UBA6: variants seen among roughly 807,000 people sequenced by gnomAD.
UBA6 encodes ubiquitin like modifier activating enzyme 6.
Under a neutral mutation model 148.3 loss-of-function variants are expected in UBA6, and 87 were observed. That is an observed-to-expected ratio of 0.59 (90% CI 0.49 to 0.70). UBA6 has a LOEUF of 0.70. Among genes scored for constraint, UBA6 ranks in the 30% least tolerant of loss-of-function variants. The pLI, the probability that UBA6 is intolerant of heterozygous loss-of-function variation, is 0.00. For synonymous variants in UBA6, 376 were observed against 401.0 expected (o/e 0.94, Z 0.75); for missense variants, 1,186 against 1,241.2 (o/e 0.96, Z 0.67).
rs1194701657 is a variant in UBA6, at chr4:67,641,710, C to T, written c.1477-482G>A. On this transcript the variant is annotated intron_variant, in intron 17 of 32. Transcript: ENST00000322244. ...TTAGGCATGCTGCCTATTTTTGTAA[C>T]TAAAGTTTTATTGAAACACTGTCAT... 2.0e-5 allele frequency among the ~76,000 whole-genome samples: 3 copies of T among 152,060 alleles called. No individual in the cohort carries two copies. In the East Asian group the frequency reaches 5.8e-4, roughly 29 times the overall value.
intron 8 of UBA6, among the ~76,000 whole-genome samples, chr4:67,670,237 C>G (rs1730112012): frequency 6.6e-6 from 1 of 152,176 alleles, no homozygotes; most frequent in Non-Finnish European, 1.5e-5. Flanking sequence ...AGCCACCATG[C>G]CTGGCCCTAT....
chr4:67,700,128 T>C (rs1383342388), intron 1 of UBA6, among the ~76,000 whole-genome samples: 7 of 152,144 alleles, frequency 4.6e-5, no homozygotes, highest in African/African-American at 1.2e-4. Flanking sequence ...ATATGATCTA[T>C]AAGACAATCA....
chr4:67,662,010 T>C, intron 13 of UBA6, 179 bp downstream of exon 13: 2 of 546,222 alleles, frequency 3.7e-6, no homozygotes, highest in Non-Finnish European at 6.4e-6. Flanking sequence ...ACAATAACCC[T>C]ATGAAGGTAG....
intron 28 of UBA6, among the ~76,000 whole-genome samples, chr4:67,625,798 G>C (rs966706112): frequency 6.6e-5 from 10 of 151,894 alleles, no homozygotes; most frequent in South Asian, 2.1e-4. Flanking sequence ...AAACAGATGA[G>C]TGTATGGCTG....
intron 2 of UBA6, among the ~76,000 whole-genome samples, chr4:67,687,034 GTTT>G (rs71219066): frequency 1.2e-5 from 1 of 82,516 alleles, no homozygotes; most frequent in Non-Finnish European, 2.3e-5. Flanking sequence ...TTAAGACTAT[GTTT>G]TTTTTTTTTT....
chr4:67,675,665 A>G (rs1416668401), intron 6 of UBA6, among the ~76,000 whole-genome samples: 2 of 152,102 alleles, frequency 1.3e-5, no homozygotes, highest in African/African-American at 4.8e-5. Context: ...CAGGAGGCAG[A>G]GGTTGCAGTG....
chr4:67,641,192 T>C lies in UBA6; in HGVS notation c.1513A>G (p.Asn505Asp). ...CGAAATAGGAACTGTCTATTTAAGTTGGATTTCTCTATCAAGTCAGGATCT... is the reference window on the plus strand; with the variant it reads ...CGAAATAGGAACTGTCTATTTAAGTCGGATTTCTCTATCAAGTCAGGATCT... ...VTDPDLIEKSNLNRQFLFRPH... is the reference protein window; with the variant it reads ...VTDPDLIEKSDLNRQFLFRPH... The change falls in exon 18 of 33, where the codon AAC (asparagine) becomes GAC (aspartate). Residue 505 changes from asparagine (N) to aspartate (D), a missense_variant. By Grantham distance (23) the Asn-to-Asp change is conservative (BLOSUM62 1). Coordinates refer to ENST00000322244, the MANE Select transcript of UBA6 (RefSeq NM_018227.6). 1.3e-6 allele frequency: 2 copies of C among 1,599,366 alleles called. No individual in the cohort carries two copies. The highest frequency in any genetic ancestry group is 1.7e-6 in the Non-Finnish European group (2 of 1,173,380).
intron 13 of UBA6, among the ~76,000 whole-genome samples, chr4:67,659,789 A>G (rs1314315647): frequency 6.6e-6 from 1 of 152,152 alleles, no homozygotes; most frequent in Non-Finnish European, 1.5e-5. Flanking sequence ...AGGGCTCGTA[A>G]GAAAGGAAGA....
intron 2 of UBA6, among the ~76,000 whole-genome samples, chr4:67,691,132 T>C (rs568858208): frequency 1.5e-4 from 23 of 152,134 alleles, no homozygotes; most frequent in Admixed American, 2.6e-4. Flanking sequence ...TGGACATTTG[T>C]GACAACTTGA....
chr4:67,672,548 TA>T (rs1730175337), intron 7 of UBA6, among the ~76,000 whole-genome samples: 1 of 152,060 alleles, frequency 6.6e-6, no homozygotes, highest in Admixed American at 6.6e-5. Context: ...TAAAACAGAT[TA>T]AAACTCACAG....
At position 67,626,414 on chromosome 4, in the gene UBA6, T is replaced by C; in HGVS notation, c.2464A>G (p.Arg822Gly). 6.2e-7 allele frequency: 1 copy of C among 1,611,670 alleles called. No homozygotes were observed. Among genetic ancestry groups the C allele is most frequent in the African/African-American group, 1.3e-5 (1 of 74,954 alleles). ...DHVPISSEDE[R>G]NAIFQLEKAI... The stretch of plus-strand genomic sequence containing the variant: ...TTTTCTAGTTGGAAAATTGCATTCC[T>C]CTCATCTTCACTGCTAATAGGAACA... The change falls in exon 28 of 33, where the codon AGG (arginine) becomes GGG (glycine). Residue 822 changes from arginine (R) to glycine (G), a missense_variant. Physicochemically the swap from Arg to Gly is moderately radical, Grantham distance 125. Coordinates refer to ENST00000322244, the MANE Select transcript of UBA6 (RefSeq NM_018227.6).
chr4:67,624,920 G>A, intron 29 of UBA6, 74 bp downstream of exon 29: 5 of 1,231,008 alleles, frequency 4.1e-6, no homozygotes, highest in Non-Finnish European at 5.7e-6. Context: ...TGAGTGACTG[G>A]GTTGGTATGA....
intron 19 of UBA6, among the ~76,000 whole-genome samples, 175 bp from the exon 20 acceptor site, chr4:67,635,733 T>C (rs1729123534): frequency 6.6e-6 from 1 of 152,218 alleles, no homozygotes; most frequent in South Asian, 2.1e-4. Flanking sequence ...TCCCCTATTC[T>C]GCAATATACA....
intron 2 of UBA6, among the ~76,000 whole-genome samples, chr4:67,692,751 C>A (rs531227620): frequency 6.6e-6 from 1 of 152,230 alleles, no homozygotes; most frequent in East Asian, 1.9e-4. Context: ...ATCAGGGCAT[C>A]ATAAAGGACC....
intron 9 of UBA6, among the ~76,000 whole-genome samples, chr4:67,666,654 T>C (rs754749155): frequency 2.0e-5 from 3 of 152,076 alleles, no homozygotes; most frequent in Non-Finnish European, 2.9e-5. Context: ...GGCGAGAGGA[T>C]CACCTAAGCC....
intron 14 of UBA6, among the ~76,000 whole-genome samples, chr4:67,647,193 CAG>C (rs1337553996): frequency 1.3e-5 from 2 of 152,220 alleles, no homozygotes; most frequent in Non-Finnish European, 2.9e-5. Flanking sequence ...TTTTTTGAGA[CAG>C]AGTCTTTCTG....
At chr4:67,679,867 A>T (rs947930552) in intron 4 of UBA6, among the ~76,000 whole-genome samples, 5 of 152,192 alleles carry the variant, frequency 3.3e-5, no homozygotes, top group Admixed American at 1.3e-4. Context: ...GTAAACAGCG[A>T]CAAAGACTAC....
intron 23 of UBA6, 35 bp from the exon 24 acceptor site, chr4:67,631,943 CTTAATA>C (rs756449166): frequency 7.0e-6 from 11 of 1,575,382 alleles, no homozygotes; most frequent in Middle Eastern, 1.8e-4. Flanking sequence ...ACACCCACTA[CTTAATA>C]TTATCTGAGG....
intron 13 of UBA6, among the ~76,000 whole-genome samples, chr4:67,653,504 C>A (rs1577811684): frequency 6.6e-6 from 1 of 152,280 alleles, no homozygotes; most frequent in East Asian, 1.9e-4. Flanking sequence ...ACAAAAAGGA[C>A]ATCCACACCA....
Sources: allele counts gnomAD v4.1 joint callset (sites outside exome capture counted in the v4.1 genomes callset), GRCh38; gene constraint gnomAD v4.1.1; transcripts MANE v1.5; gene names NCBI Gene and HGNC (gene_info 2026-07-23, HGNC 2026-07-21).